CRYGS: variants seen among roughly 807,000 people sequenced by gnomAD.
CRYGS encodes gamma-crystallin S.
In CRYGS, 13 loss-of-function variants were observed where a neutral mutation model predicts 21.3. The ratio of observed to expected loss-of-function variants is 0.61; its 90% CI spans 0.40 to 0.97. The LOEUF (loss-of-function observed/expected upper bound fraction) is 0.97. CRYGS is among the 50% of genes least tolerant of loss of function. The probability of loss-of-function intolerance (pLI) is 0.00; values close to 1 mark genes in which losing one functional copy is unlikely to be tolerated. For synonymous variants in CRYGS, 67 were observed against 75.0 expected (o/e 0.89, Z 0.55); for missense variants, 205 against 229.7 (o/e 0.89, Z 0.69).
At chr3:186,539,692 T>C in intron 1 of CRYGS, 95 bp from the exon 2 acceptor site, 1 of 1,486,100 alleles carries the variant, frequency 6.7e-7, no homozygotes. Flanking sequence ...TAGAAATTCC[T>C]TTCACCTCAA....
At chr3:186,541,212 C>A (rs745436817) in intron 1 of CRYGS, among the ~76,000 whole-genome samples, 1 of 152,224 alleles carries the variant, frequency 6.6e-6, no homozygotes, top group Non-Finnish European at 1.5e-5. Context: ...TCATTCTCCT[C>A]TATCCTGGGT....
At position 186,538,639 on chromosome 3, in the gene CRYGS, G is replaced by A. The variant is rs151250952; in HGVS notation, c.*57C>T. 1.2e-5 allele frequency: 19 copies of A among 1,610,186 alleles called. No homozygotes were observed. In the East Asian group the frequency reaches 4.0e-4, roughly 34 times the overall value. ...CTGTTTTATTGATGATGCCTATTTG[G>A]ACCACAAGGCCAGCCAGCATTTGGG... On this transcript the variant is annotated 3_prime_UTR_variant, in exon 3 of 3. Coordinates refer to ENST00000307944, the MANE Select transcript of CRYGS (RefSeq NM_017541.4).
rs1471618676 is a variant in CRYGS at position 186,539,407 on chromosome 3, T to C, written c.212A>G (p.Gln71Arg). The change falls in exon 2 of 3, where the codon CAG (glutamine) becomes CGG (arginine). Residue 71 changes from glutamine to arginine, a missense_variant. Gln to Arg is a conservative substitution (Grantham distance 43). Coordinates refer to ENST00000307944, the MANE Select transcript of CRYGS (RefSeq NM_017541.4). ...ILPQGEYPEYQRWMGLNDRLS... is the reference protein window; with the variant it reads ...ILPQGEYPEYRRWMGLNDRLS... ...GCGGTCGTTGAGGCCCATCCAACGC[T>C]GGTATTCAGGGTACTCTCCCTGTGG... The C allele has an allele frequency of 6.2e-7, 1 of 1,612,126 alleles. No individual in the cohort carries two copies. Among genetic ancestry groups the C allele is most frequent in the African/African-American group, 1.3e-5 (1 of 74,860 alleles).
chr3:186,538,510 G>A lies in CRYGS; in HGVS notation c.*186C>T, dbSNP rs372598606. ...AAAGATCTAGATTGGTGATCTGGCA[G>A]ATGGGTAGCTTTGTGTGACTGCCCA... On this transcript the variant is annotated 3_prime_UTR_variant, in exon 3 of 3. Transcript: ENST00000307944. 3.0e-6 allele frequency: 2 copies of A among 668,864 alleles called. No homozygotes were observed. The highest frequency in any genetic ancestry group is 3.6e-5 in the African/African-American group (2 of 55,246). The allele number at this position is 668,864 out of a possible 1,614,324, so 41.4% of individuals were successfully genotyped here.
chr3:186,538,733 G>A lies in CRYGS; in HGVS notation c.500C>T (p.Ser167Phe), dbSNP rs1455019553. ...GCGGCGGAAAGACTGGACAGCTGGG[G>A]AGGCTGCACCCCAATCGATGGGCTT... ...YRKPIDWGAA[S>F]PAVQSFRRIV... Residue 167 changes from serine to phenylalanine, a missense_variant, in exon 3 of 3, where the codon TCC becomes TTC. Coordinates refer to ENST00000307944, the MANE Select transcript of CRYGS (RefSeq NM_017541.4). The A allele has an allele frequency of 6.2e-7, 1 of 1,614,180 alleles. No individual in the cohort carries two copies. Among genetic ancestry groups the A allele is most frequent in the South Asian group, 1.1e-5 (1 of 91,080 alleles).
chr3:186,542,406 C>T (rs1479137566), intron 1 of CRYGS, among the ~76,000 whole-genome samples: 2 of 152,104 alleles, frequency 1.3e-5, no homozygotes, highest in Admixed American at 1.3e-4. Flanking sequence ...GACCTTTGGG[C>T]AAAATATTTT....
Position 186,539,550 on chromosome 3 carries a change from A to G in CRYGS, c.69T>C (p.Cys23=). 1 of 1,614,176 alleles carries G rather than the reference A, an allele frequency of 6.2e-7. No individual in the cohort carries two copies. The highest frequency in any genetic ancestry group is 8.5e-7 in the Non-Finnish European group (1 of 1,180,032). ...DKNFQGRRYD[C]DCDCADFHTY... is the part of the protein sequence containing the mutation. The stretch of plus-strand genomic sequence containing the variant: ...TGTGGAAATCTGCACAGTCGCAATC[A>G]CAGTCATAGCGACGGCCTTGAAAAT... Residue 23 remains cysteine, a synonymous_variant, in exon 2 of 3, where the codon TGT becomes TGC. Transcript: ENST00000307944.
intron 1 of CRYGS, among the ~76,000 whole-genome samples, chr3:186,543,734 C>T (rs952474784): frequency 6.6e-6 from 1 of 152,104 alleles, no homozygotes; most frequent in African/African-American, 2.4e-5. Context: ...TTCCCAAAGC[C>T]CTACCTGAAA....
At chr3:186,543,618 G>A (rs999486820) in intron 1 of CRYGS, among the ~76,000 whole-genome samples, 4 of 152,140 alleles carry the variant, frequency 2.6e-5, no homozygotes, top group African/African-American at 9.7e-5. Context: ...ATTCTTTGAG[G>A]ATTCAATGGG....
In CRYGS at chr3:186,539,508, G is replaced by A. The variant is rs776324135; in HGVS notation, c.111C>T (p.Cys37=). The A allele has an allele frequency of 1.2e-6, 2 of 1,613,948 alleles. No individual in the cohort carries two copies. The highest frequency in any genetic ancestry group is 1.7e-5 in the Admixed American group (1 of 60,016). ...TGCCTCCTTCCACTTTAATGGAGTT[G>A]CAGCGACTTAGGTATGTGTGGAAAT... ...CADFHTYLSR[C]NSIKVEGGTW... is the part of the protein sequence containing the mutation. The change falls in exon 2 of 3, where the codon TGC becomes TGT. Residue 37 remains cysteine (C), a synonymous_variant. Coordinates refer to ENST00000307944, the MANE Select transcript of CRYGS (RefSeq NM_017541.4).
chr3:186,539,383 C>G lies in CRYGS; in HGVS notation c.236G>C (p.Arg79Pro). The G allele has an allele frequency of 6.2e-7, 1 of 1,612,218 alleles. No individual in the cohort carries two copies. The highest frequency in any genetic ancestry group is 1.1e-5 in the South Asian group (1 of 90,990). Residue 79 changes from arginine to proline, a missense_variant, in exon 2 of 3, where the codon CGC becomes CCC. Coordinates refer to ENST00000307944, the MANE Select transcript of CRYGS (RefSeq NM_017541.4). ...ATGAACAGCTCTGCAGGAGCTGAGGCGGTCGTTGAGGCCCATCCAACGCTG... is the reference window on the plus strand; with the variant it reads ...ATGAACAGCTCTGCAGGAGCTGAGGGGGTCGTTGAGGCCCATCCAACGCTG... ...EYQRWMGLND[R>P]LSSCRAVHLP...
chr3:186,539,431 G>A lies in CRYGS; in HGVS notation c.188C>T (p.Pro63Leu). The change falls in exon 2 of 3, where the codon CCA becomes CTA. Residue 63 changes from proline to leucine, a missense_variant. Coordinates refer to ENST00000307944, the MANE Select transcript of CRYGS (RefSeq NM_017541.4). The part of the protein sequence containing the change: ...PNFAGYMYIL[P>L]QGEYPEYQRW... ...CTGGTATTCAGGGTACTCTCCCTGT[G>A]GTAAGATGTACATGTACCCAGCAAA... 1.2e-6 allele frequency: 2 copies of A among 1,612,414 alleles called. No individual in the cohort carries two copies. Among genetic ancestry groups the A allele is most frequent in the Non-Finnish European group, 1.7e-6 (2 of 1,180,000 alleles).
chr3:186,539,377 C>G lies in CRYGS; in HGVS notation c.242G>C (p.Ser81Thr). The change falls in exon 2 of 3, where the codon AGC becomes ACC. Residue 81 changes from serine (S) to threonine (T), a missense_variant. Coordinates refer to ENST00000307944, the MANE Select transcript of CRYGS (RefSeq NM_017541.4). ...CACCAGATGAACAGCTCTGCAGGAGCTGAGGCGGTCGTTGAGGCCCATCCA... is the reference window on the plus strand; with the variant it reads ...CACCAGATGAACAGCTCTGCAGGAGGTGAGGCGGTCGTTGAGGCCCATCCA... ...QRWMGLNDRLSSCRAVHLPSG... is the reference protein window; with the variant it reads ...QRWMGLNDRLTSCRAVHLPSG... 1 of 1,612,230 alleles carries G rather than the reference C, an allele frequency of 6.2e-7. No homozygotes were observed. The highest frequency in any genetic ancestry group is 8.5e-7 in the Non-Finnish European group (1 of 1,180,006).
At chr3:186,540,683 T>G in intron 1 of CRYGS, 1 of 859,578 alleles carries the variant, frequency 1.2e-6, no homozygotes, top group Non-Finnish European at 1.4e-6. Flanking sequence ...CCTGGCATTA[T>G]GCCGCCACCT....
chr3:186,543,128 T>C (rs1714106417), intron 1 of CRYGS, among the ~76,000 whole-genome samples: 1 of 152,132 alleles, frequency 6.6e-6, no homozygotes, highest in Non-Finnish European at 1.5e-5. Flanking sequence ...CAAATCTAGA[T>C]TGCAAGACTT....
Position 186,538,700 on chromosome 3 carries a change from T to A in CRYGS, c.533A>T (p.Glu178Val). ...AATATGGCCCCATTCATGTCATTAC[T>A]CCACAATGCGGCGGAAAGACTGGAC... is the stretch of plus-strand genomic sequence containing the variant. The part of the protein sequence containing the change: ...PAVQSFRRIV[E>V] The change falls in exon 3 of 3, where the codon GAG (glutamate) becomes GTG (valine). Residue 178 changes from glutamate to valine, a missense_variant. By Grantham distance (121) the Glu-to-Val change is moderately radical (BLOSUM62 -2). Transcript: ENST00000307944. The A allele has an allele frequency of 6.2e-7, 1 of 1,614,148 alleles. No homozygotes were observed. Among genetic ancestry groups the A allele is most frequent in the Admixed American group, 1.7e-5 (1 of 60,008 alleles).
intron 1 of CRYGS, among the ~76,000 whole-genome samples, chr3:186,541,155 G>A (rs1300614102): frequency 6.6e-6 from 1 of 152,122 alleles, no homozygotes; most frequent in South Asian, 2.1e-4. Flanking sequence ...TAGATGGAGG[G>A]AATGAGAGGA....
At chr3:186,539,736 T>C (rs1043324446) in intron 1 of CRYGS, 139 bp from the exon 2 acceptor site, 21 of 970,614 alleles carry the variant, frequency 2.2e-5, no homozygotes, top group Non-Finnish European at 3.0e-5. Flanking sequence ...TACGTCACCT[T>C]ACAACATTGC....
At chr3:186,543,646 AG>A (rs1714119531) in intron 1 of CRYGS, among the ~76,000 whole-genome samples, 1 of 152,196 alleles carries the variant, frequency 6.6e-6, no homozygotes, top group Admixed American at 6.5e-5. Flanking sequence ...ATTTTCAAAT[AG>A]CTGGGGGTAA....
Sources: gnomAD v4.1 joint callset for allele counts (sites outside exome capture counted in the v4.1 genomes callset) on GRCh38, gnomAD v4.1.1 for gene constraint, MANE v1.5 for transcripts, NCBI Gene and HGNC (gene_info 2026-07-23, HGNC 2026-07-21) for gene names.